The following DOCK11 variants were observed in gnomAD, a reference collection of about 807,000 sequenced individuals.
The protein encoded by DOCK11 is dedicator of cytokinesis 11.
In DOCK11, 70 loss-of-function variants were observed where a neutral mutation model predicts 169.1. The observed-to-expected ratio is 0.41, with a 90% confidence interval of 0.34 to 0.51. The LOEUF (loss-of-function observed/expected upper bound fraction) is 0.51. DOCK11 is among the 20% of genes least tolerant of loss of function. DOCK11 has a pLI of 0.10. For synonymous variants in DOCK11, 529 were observed against 541.3 expected, an observed-to-expected ratio of 0.98 and a Z score of 0.32; for missense variants, 1,166 against 1,538.8, an observed-to-expected ratio of 0.76 and a Z score of 4.05.
Position 118,662,786 on chromosome X carries a change from T to C in DOCK11, c.5070T>C (p.Tyr1690=). 1.8e-6 allele frequency: 2 copies of C among 1,137,987 alleles called. No individual in the cohort carries two copies. Among genetic ancestry groups the C allele is most frequent in the Non-Finnish European group, 2.4e-6 (2 of 830,807 alleles). 93.8% of individuals were successfully genotyped at this position (1,137,987 alleles called of 1,213,427 possible). ...KEDAGMMDVH[Y]SEEVLLELLE... is the part of the protein sequence containing the mutation. ...ATGCTGGGATGATGGATGTCCATTA[T>C]AGTGAAGTAAGGATTCCAGGGCCTG... Residue 1690 remains tyrosine (Y), a synonymous_variant, in exon 45 of 53, where the codon TAT becomes TAC. Coordinates refer to ENST00000276202, the MANE Select transcript of DOCK11 (RefSeq NM_144658.4).
intron 46 of DOCK11, among the ~76,000 whole-genome samples, chrX:118,671,711 G>GGAGTCTCA (rs2016477412): frequency 1.8e-5 from 2 of 111,451 alleles, no homozygotes; most frequent in African/African-American, 6.5e-5. Context: ...ATGGAGTCTC[G>GGAGTCTCA]CTCTGTTGCC....
chrX:118,569,576 G>A (rs1178478898), intron 10 of DOCK11: 2 of 111,244 alleles, frequency 1.8e-5, no homozygotes, highest in Admixed American at 1.9e-4. Context: ...GTTTAAAATA[G>A]AAAAAGTATA....
chrX:118,635,375 GTTTGTTTTGT>G (rs778114518), intron 35 of DOCK11, among the ~76,000 whole-genome samples: 1 of 111,828 alleles, frequency 8.9e-6, no homozygotes, highest in Non-Finnish European at 1.9e-5. Context: ...TGGTGGCACT[GTTTGTTTTGT>G]TTTGTTTTGT....
chrX:118,587,480 TCTTC>T (rs2013851920), intron 16 of DOCK11, among the ~76,000 whole-genome samples: 1 of 111,663 alleles, frequency 9.0e-6, no homozygotes, highest in Admixed American at 9.5e-5. Flanking sequence ...TCTCCCTGGG[TCTTC>T]CTTCATCATT....
At chrX:118,660,800 CA>C (rs1259157200) in intron 44 of DOCK11, among the ~76,000 whole-genome samples, 2 of 110,591 alleles carry the variant, frequency 1.8e-5, no homozygotes, top group African/African-American at 6.6e-5. Context: ...TTTATTTGAA[CA>C]AAAATGGTCC....
chrX:118,633,099 C>T (rs1478284582), intron 35 of DOCK11: 1 of 110,166 alleles, frequency 9.1e-6, no homozygotes, highest in Non-Finnish European at 1.9e-5. Context: ...GGCTTATCGG[C>T]ACCATACCCT....
At chrX:118,617,158 A>G (rs2098022896) in intron 30 of DOCK11, among the ~76,000 whole-genome samples, 1 of 111,775 alleles carries the variant, frequency 8.9e-6, no homozygotes, top group African/African-American at 3.3e-5. Flanking sequence ...ATTAAATAGC[A>G]CGGGAGAGGA....
chrX:118,536,925 A>G (rs1432358592), intron 1 of DOCK11, among the ~76,000 whole-genome samples: 1 of 111,547 alleles, frequency 9.0e-6, no homozygotes, highest in Non-Finnish European at 1.9e-5. Context: ...CTCTAGAGAA[A>G]GCACTCTAGG....
intron 28 of DOCK11, 145 bp from the exon 29 acceptor site, chrX:118,614,547 C>T (rs1393992481): frequency 1.7e-5 from 8 of 461,637 alleles, no homozygotes. Flanking sequence ...TTAAGGTCAC[C>T]TGAAGCTCAG....
intron 16 of DOCK11, among the ~76,000 whole-genome samples, chrX:118,586,495 C>T (rs759065062): frequency 6.3e-5 from 7 of 111,097 alleles, no homozygotes; most frequent in African/African-American, 2.3e-4. Flanking sequence ...TGGGGGAAAC[C>T]GCCCCATGAT....
In DOCK11 at chrX:118,643,406, A is replaced by C. The variant is rs1377372285; in HGVS notation, c.4261-51A>C. ...TTCATAAACAGGTATTGGTGAAATC[A>C]GTTCTGTCATTCTCAGTGGGGCATA... On this transcript the variant is annotated intron_variant, in intron 39 of 52. Transcript: ENST00000276202. 4.4e-6 allele frequency: 5 copies of C among 1,130,152 alleles called. No individual in the cohort carries two copies. The South Asian group carries it at 1.0e-4, about 24-fold the overall frequency. The allele number at this position is 1,130,152 out of a possible 1,213,427, so 93.1% of individuals were successfully genotyped here. A position where few individuals can be genotyped will look rare whatever the true frequency, so the allele number is the denominator to read the frequency against.
At chrX:118,672,102 T>G (rs187536163) in intron 46 of DOCK11, among the ~76,000 whole-genome samples, 26 of 112,531 alleles carry the variant, frequency 2.3e-4, no homozygotes, top group African/African-American at 8.4e-4. Context: ...GGAAGAGGCA[T>G]AGACATGATT....
intron 6 of DOCK11, among the ~76,000 whole-genome samples, chrX:118,554,700 G>A (rs777395652): frequency 3.6e-5 from 4 of 111,839 alleles, no homozygotes; most frequent in Non-Finnish European, 7.5e-5. Context: ...AGAAGGCGGG[G>A]CCTCGAAGGA....
At chrX:118,552,052 AGG>A (rs1556277310) in intron 6 of DOCK11, among the ~76,000 whole-genome samples, 1 of 106,028 alleles carries the variant, frequency 9.4e-6, no homozygotes, top group Admixed American at 1.0e-4. Context: ...AAAAAAAAAA[AGG>A]GAGGGAGGGA....
At position 118,608,449 on chromosome X, in the gene DOCK11, C is replaced by T. The variant is rs775110341; in HGVS notation, c.2877+93C>T. On this transcript the variant is annotated intron_variant, in intron 26 of 52. Transcript: ENST00000276202. ...TTCACTTCTAGTCTTTCATCAGTTT[C>T]ACATGTGACCCGTCCTTTCTCCACC... 1.1e-5 allele frequency: 11 copies of T among 1,018,732 alleles called. No individual in the cohort carries two copies. The East Asian group carries it at 3.4e-4, about 32-fold the overall frequency. 84.0% of individuals were successfully genotyped at this position (1,018,732 alleles called of 1,213,427 possible). A position where few individuals can be genotyped will look rare whatever the true frequency, so the allele number is the denominator to read the frequency against.
chrX:118,631,230 T>C (rs2015233564), intron 35 of DOCK11, among the ~76,000 whole-genome samples: 1 of 111,639 alleles, frequency 9.0e-6, no homozygotes, highest in African/African-American at 3.2e-5. Context: ...ATCATCATAG[T>C]GATTGCTATC....
intron 1 of DOCK11, among the ~76,000 whole-genome samples, chrX:118,538,351 A>G (rs1235002454): frequency 8.9e-6 from 1 of 112,222 alleles, no homozygotes; most frequent in Non-Finnish European, 1.9e-5. Flanking sequence ...CTACTTGACA[A>G]AGCGTTTGGT....
At chrX:118,552,852 T>A (rs145758157) in intron 6 of DOCK11, among the ~76,000 whole-genome samples, 5 of 111,179 alleles carry the variant, frequency 4.5e-5, no homozygotes, top group African/African-American at 1.6e-4. Context: ...CACTCCAGCC[T>A]GAGCACAAAG....
chrX:118,664,587 G>A (rs2016296358), intron 45 of DOCK11, among the ~76,000 whole-genome samples: 1 of 110,618 alleles, frequency 9.0e-6, no homozygotes, highest in African/African-American at 3.3e-5. Context: ...GGAGGTTGCA[G>A]TGACCCAAGA....
Sources: gnomAD v4.1 joint callset for allele counts (sites outside exome capture counted in the v4.1 genomes callset) on GRCh38, gnomAD v4.1.1 for gene constraint, MANE v1.5 for transcripts, NCBI Gene and HGNC (gene_info 2026-07-23, HGNC 2026-07-21) for gene names.